UXS1: variants seen among roughly 807,000 people sequenced by gnomAD.
UXS1 encodes the protein UDP-glucuronic acid decarboxylase 1.
UXS1 carries 33 observed loss-of-function variants against 62.6 expected under a neutral mutation model. That is an observed-to-expected ratio of 0.53 (90% CI 0.40 to 0.70). The LOEUF (loss-of-function observed/expected upper bound fraction) is 0.70, where lower values mean the gene tolerates loss of function less well. UXS1 is among the 30% of genes least tolerant of loss of function. The pLI, the probability that UXS1 is intolerant of heterozygous loss-of-function variation, is 0.00. For synonymous variants in UXS1, 213 were observed against 206.8 expected, an observed-to-expected ratio of 1.03 and a Z score of -0.26; for missense variants, 434 against 556.3, an observed-to-expected ratio of 0.78 and a Z score of 2.21.
intron 1 of UXS1, among the ~76,000 whole-genome samples, chr2:106,185,406 A>G (rs1684495810): frequency 2.0e-5 from 3 of 152,334 alleles, no homozygotes; most frequent in Admixed American, 1.3e-4. Context: ...TGCTTTTCCC[A>G]TACTACCAAC....
Position 106,093,782 on chromosome 2 carries a change from C to G in UXS1, c.*244G>C. 3 of 411,066 alleles carry G rather than the reference C, an allele frequency of 7.3e-6. No individual in the cohort carries two copies. The highest frequency in any genetic ancestry group is 1.3e-5 in the Non-Finnish European group (3 of 239,582). 25.5% of individuals were successfully genotyped at this position (411,066 alleles called of 1,614,324 possible). A position where few individuals can be genotyped will look rare whatever the true frequency, so the allele number is the denominator to read the frequency against. On this transcript the variant is annotated 3_prime_UTR_variant, in exon 15 of 15. Coordinates refer to ENST00000283148, the MANE Select transcript of UXS1 (RefSeq NM_001253875.2). ...AGCAAGATAAAAAAACTTGAAAATA[C>G]GCAGAGATGCATCTACGCTATTTTA... is the stretch of plus-strand genomic sequence containing the variant.
intron 1 of UXS1, chr2:106,166,483 T>C (rs936736931): frequency 6.1e-6 from 1 of 163,576 alleles, no homozygotes; most frequent in East Asian, 1.8e-4. Context: ...AAAAGATAAT[T>C]GGTTGAGGCA....
intron 5 of UXS1, among the ~76,000 whole-genome samples, chr2:106,155,626 T>C (rs938512122): frequency 1.3e-5 from 2 of 152,230 alleles, no homozygotes; most frequent in Non-Finnish European, 2.9e-5. Context: ...TCATACCATG[T>C]AGCCTAAGTG....
intron 9 of UXS1, among the ~76,000 whole-genome samples, chr2:106,119,020 C>G (rs1435564397): frequency 6.6e-6 from 1 of 152,222 alleles, no homozygotes; most frequent in Non-Finnish European, 1.5e-5. Context: ...CTCCAGATAG[C>G]ATAAATCCTA....
intron 1 of UXS1, among the ~76,000 whole-genome samples, chr2:106,181,440 G>T (rs758819296): frequency 1.1e-4 from 17 of 152,154 alleles, no homozygotes; most frequent in Non-Finnish European, 1.9e-4. Flanking sequence ...TGGGGCAAGC[G>T]GGGCGTGGTG....
chr2:106,166,177 AT>A (rs1683197388), intron 1 of UXS1, 94 bp from the exon 2 acceptor site: 4 of 1,273,230 alleles, frequency 3.1e-6, no homozygotes, highest in Non-Finnish European at 4.4e-6. Flanking sequence ...AATATTTTAA[AT>A]TTTACAAAGA....
chr2:106,186,442 T>TTA (rs932107417), intron 1 of UXS1, among the ~76,000 whole-genome samples: 1 of 147,396 alleles, frequency 6.8e-6, no homozygotes, highest in African/African-American at 2.5e-5. Flanking sequence ...CTCTGGGCTT[T>TTA]TATATATATA....
At chr2:106,157,902 CTG>C (rs1682566731) in intron 5 of UXS1, among the ~76,000 whole-genome samples, 154 bp downstream of exon 5, 1 of 152,096 alleles carries the variant, frequency 6.6e-6, no homozygotes, top group Non-Finnish European at 1.5e-5. Flanking sequence ...GATGAAGAAA[CTG>C]TGGAATCAGA....
At chr2:106,122,484 C>T (rs1573451399) in intron 9 of UXS1, among the ~76,000 whole-genome samples, 1 of 152,194 alleles carries the variant, frequency 6.6e-6, no homozygotes, top group Non-Finnish European at 1.5e-5. Context: ...CTATAACATG[C>T]AGGTGACCAA....
At chr2:106,122,677 G>C (rs532512429) in intron 9 of UXS1, among the ~76,000 whole-genome samples, 1 of 152,318 alleles carries the variant, frequency 6.6e-6, no homozygotes, top group Non-Finnish European at 1.5e-5. Context: ...CAGGAAAAGA[G>C]GTACTTCTTA....
At chr2:106,162,911 C>G (rs1407046392) in intron 4 of UXS1, among the ~76,000 whole-genome samples, 1 of 152,220 alleles carries the variant, frequency 6.6e-6, no homozygotes, top group Non-Finnish European at 1.5e-5. Context: ...ATAAAAGGCT[C>G]ATTCAATGCT....
chr2:106,106,161 T>C (rs945748699), intron 10 of UXS1, among the ~76,000 whole-genome samples: 11 of 152,068 alleles, frequency 7.2e-5, no homozygotes, highest in Non-Finnish European at 1.0e-4. Context: ...GGTCGGGAGT[T>C]CGACACCAGC....
chr2:106,181,808 T>G (rs775230555), intron 1 of UXS1, among the ~76,000 whole-genome samples: 1 of 152,208 alleles, frequency 6.6e-6, no homozygotes, highest in African/African-American at 2.4e-5. Flanking sequence ...GAGGAACTAC[T>G]ATGATCTAAG....
At chr2:106,157,184 C>A (rs1208335383) in intron 5 of UXS1, among the ~76,000 whole-genome samples, 1 of 151,944 alleles carries the variant, frequency 6.6e-6, no homozygotes, top group Non-Finnish European at 1.5e-5. Context: ...AATGGTTGCA[C>A]AACTCTGTGA....
At chr2:106,157,154 G>GA (rs1452501816) in intron 5 of UXS1, among the ~76,000 whole-genome samples, 1 of 152,062 alleles carries the variant, frequency 6.6e-6, no homozygotes, top group Non-Finnish European at 1.5e-5. Context: ...CCTTGGGGGG[G>GA]GCCTACAATT....
At chr2:106,128,383 G>A (rs1680144229) in intron 7 of UXS1, among the ~76,000 whole-genome samples, 1 of 152,184 alleles carries the variant, frequency 6.6e-6, no homozygotes, top group African/African-American at 2.4e-5. Context: ...TTAGGCCACA[G>A]GATGCCCAGG....
intron 8 of UXS1, among the ~76,000 whole-genome samples, chr2:106,125,307 A>G (rs1679840425): frequency 6.6e-6 from 1 of 152,236 alleles, no homozygotes; most frequent in South Asian, 2.1e-4. Flanking sequence ...ACAAACAGGT[A>G]AAAAGATAGT....
chr2:106,125,874 A>C (rs1679898459), intron 7 of UXS1, among the ~76,000 whole-genome samples, 195 bp from the exon 8 acceptor site: 1 of 152,244 alleles, frequency 6.6e-6, no homozygotes, highest in Non-Finnish European at 1.5e-5. Flanking sequence ...GATTCTCAGA[A>C]GGCCAGTATT....
At chr2:106,094,435 C>A (rs1676915674) in intron 14 of UXS1, among the ~76,000 whole-genome samples, 1 of 152,082 alleles carries the variant, frequency 6.6e-6, no homozygotes, top group Non-Finnish European at 1.5e-5. Flanking sequence ...TCACAAAAGA[C>A]CCCGACTACC....
Sources: allele counts gnomAD v4.1 joint callset (sites outside exome capture counted in the v4.1 genomes callset), GRCh38; gene constraint gnomAD v4.1.1; transcripts MANE v1.5; gene names NCBI Gene and HGNC (gene_info 2026-07-23, HGNC 2026-07-21).